The following ZNF385D variants were observed in gnomAD, a reference collection of about 807,000 sequenced individuals.
ZNF385D encodes zinc finger protein 385D.
A neutral mutation model predicts 35.8 loss-of-function variants in ZNF385D; 15 were observed. The ratio of observed to expected loss-of-function variants is 0.42; its 90% CI spans 0.28 to 0.64. ZNF385D has a LOEUF of 0.64. Ranked by LOEUF, ZNF385D falls within the 30% of genes least tolerant of loss-of-function variation. The pLI is 0.23. For missense variants in ZNF385D, 474 were observed against 494.6 expected (o/e 0.96, Z 0.39); for synonymous variants, 212 against 186.8 (o/e 1.13, Z -1.10).
intron 4 of ZNF385D, among the ~76,000 whole-genome samples, chr3:21,437,751 A>G (rs1701643782): frequency 6.9e-6 from 1 of 145,056 alleles, no homozygotes; most frequent in Non-Finnish European, 1.5e-5. Flanking sequence ...TGCTTTGACC[A>G]GATCAACAGT....
intron 4 of ZNF385D, among the ~76,000 whole-genome samples, chr3:21,467,902 C>T (rs780862920): frequency 3.3e-5 from 5 of 152,032 alleles, no homozygotes; most frequent in African/African-American, 4.8e-5. Context: ...ATGTAACACA[C>T]ACTAGGGAGG....
At chr3:22,158,792 C>A (rs965696483) in intron 3 of ZNF385D, among the ~76,000 whole-genome samples, 1 of 126,372 alleles carries the variant, frequency 7.9e-6, no homozygotes, top group Non-Finnish European at 1.8e-5. Context: ...AAACTAGAAG[C>A]CAGTTTCAAA....
chr3:21,668,586 C>T (rs189790145), intron 1 of ZNF385D, among the ~76,000 whole-genome samples: 1 of 152,262 alleles, frequency 6.6e-6, no homozygotes, highest in African/African-American at 2.4e-5. Context: ...AGATGCTTGC[C>T]TCCAAACCTA....
At position 21,880,888 on chromosome 3, in the gene ZNF385D, T is replaced by C. The variant is rs188557649; in HGVS notation, c.326-215860A>G. On this transcript the variant is annotated intron_variant, in intron 3 of 5. Coordinates refer to the ZNF385D transcript ENST00000494108. ...GCTGATACGAAGAAAGTTTTGGTGG[T>C]CTGGATAGAAGATTAAACAAGCCAC... Among the ~76,000 whole-genome samples, 425 of 151,816 alleles carry C rather than the reference T, an allele frequency of 2.8e-3. 3 individuals are homozygous for C. Among genetic ancestry groups the C allele is most frequent in the African/African-American group, 9.7e-3 (404 of 41,498 alleles).
intron 3 of ZNF385D, among the ~76,000 whole-genome samples, chr3:21,930,573 T>C (rs1319219964): frequency 2.0e-5 from 3 of 152,058 alleles, no homozygotes; most frequent in African/African-American, 2.4e-5. Flanking sequence ...TATTTATCAA[T>C]TGTCAAAATT....
At chr3:22,122,077 G>A (rs571056869) in intron 3 of ZNF385D, among the ~76,000 whole-genome samples, 7 of 152,128 alleles carry the variant, frequency 4.6e-5, no homozygotes, top group South Asian at 2.1e-4. Flanking sequence ...CACAAATATC[G>A]TCTCAGCCCA....
At chr3:21,813,288 C>T (rs1015880524) in intron 3 of ZNF385D, among the ~76,000 whole-genome samples, 1 of 152,192 alleles carries the variant, frequency 6.6e-6, no homozygotes, top group Non-Finnish European at 1.5e-5. Context: ...CAGAGCACCT[C>T]TTCTCCTCTA....
chr3:21,891,149 G>T (rs2244454), intron 3 of ZNF385D, among the ~76,000 whole-genome samples: 2 of 151,916 alleles, frequency 1.3e-5, no homozygotes, highest in Non-Finnish European at 2.9e-5. Context: ...AAAGGATAGA[G>T]GGAAAGTGTT....
At chr3:22,096,804 A>C (rs762856009) in intron 3 of ZNF385D, among the ~76,000 whole-genome samples, 53 of 152,120 alleles carry the variant, frequency 3.5e-4, no homozygotes, top group Non-Finnish European at 6.8e-4. Flanking sequence ...AGTTTTAAAA[A>C]TATGGCCTCA....
At chr3:21,613,578 CA>C (rs2064753289) in intron 2 of ZNF385D, among the ~76,000 whole-genome samples, 1 of 152,110 alleles carries the variant, frequency 6.6e-6, no homozygotes, top group Non-Finnish European at 1.5e-5. Flanking sequence ...GACATTTGGT[CA>C]AGATGACCCT....
rs1703810339 is a variant in ZNF385D, at chr3:22,131,782, G to A, written c.325+37035C>T. On this transcript the variant is annotated intron_variant, in intron 3 of 5. Coordinates refer to the ZNF385D transcript ENST00000494108. ...ACTTTTATAGTCAGAGTTATCTCCTGAGAATACAGATGAGAGAAAGCTATT... is the reference window on the plus strand; with the variant it reads ...ACTTTTATAGTCAGAGTTATCTCCTAAGAATACAGATGAGAGAAAGCTATT... 9.2e-5 allele frequency among the ~76,000 whole-genome samples: 14 copies of A among 152,280 alleles called. No homozygotes were observed. In the South Asian group the frequency reaches 2.9e-3, roughly 32 times the overall value.
At chr3:22,202,245 CTTTA>C (rs1190082573) in intron 2 of ZNF385D, among the ~76,000 whole-genome samples, 1 of 152,156 alleles carries the variant, frequency 6.6e-6, no homozygotes, top group African/African-American at 2.4e-5. Context: ...TATCAATAAG[CTTTA>C]TTTGTTTCTG....
chr3:21,745,632 T>G (rs1338300802), intron 1 of ZNF385D, among the ~76,000 whole-genome samples: 6 of 152,238 alleles, frequency 3.9e-5, no homozygotes, highest in African/African-American at 1.4e-4. Flanking sequence ...GCAAAACTAA[T>G]CTTTTTGGGA....
At chr3:21,589,849 C>G (rs550708495) in intron 2 of ZNF385D, among the ~76,000 whole-genome samples, 1 of 151,954 alleles carries the variant, frequency 6.6e-6, no homozygotes, top group South Asian at 2.1e-4. Flanking sequence ...CAGTAGCAAC[C>G]ACTGATGAAG....
intron 2 of ZNF385D, among the ~76,000 whole-genome samples, chr3:22,242,102 C>G (rs1315038313): frequency 6.6e-6 from 1 of 150,620 alleles, no homozygotes; most frequent in Admixed American, 6.6e-5. Context: ...GGAGGGATAG[C>G]ACTGGGAGAT....
At chr3:22,008,713 A>G (rs188327668) in intron 3 of ZNF385D, among the ~76,000 whole-genome samples, 2 of 152,250 alleles carry the variant, frequency 1.3e-5, no homozygotes, top group East Asian at 1.9e-4. Context: ...ACAAAACACA[A>G]CTGAAAACTG....
In ZNF385D at chr3:21,795,776, T is replaced by C. The variant is rs1468660700; in HGVS notation, c.326-130748A>G. ...AAATAAAAAGCTTTTCTCCCACTAA[T>C]GCCACTTCAGATTATAGGCACTCAG... On this transcript the variant is annotated intron_variant, in intron 3 of 5. Coordinates refer to the ZNF385D transcript ENST00000494108. Among the ~76,000 whole-genome samples, 18 of 152,230 alleles carry C rather than the reference T, an allele frequency of 1.2e-4. 1 individual carries two copies. Among genetic ancestry groups the C allele is most frequent in the African/African-American group, 4.8e-5 (2 of 41,462 alleles).
chr3:21,456,700 T>G (rs1465186319), intron 4 of ZNF385D, among the ~76,000 whole-genome samples: 1 of 152,004 alleles, frequency 6.6e-6, no homozygotes, highest in Non-Finnish European at 1.5e-5. Flanking sequence ...CAAACCTGCA[T>G]GTTGTGCACA....
chr3:21,662,216 G>A (rs906624436), intron 2 of ZNF385D, among the ~76,000 whole-genome samples: 1 of 152,142 alleles, frequency 6.6e-6, no homozygotes, highest in African/African-American at 2.4e-5. Flanking sequence ...AAGTTTGTGT[G>A]TCTAAGCGTG....
Sources: allele counts gnomAD v4.1 joint callset (sites outside exome capture counted in the v4.1 genomes callset), GRCh38; gene constraint gnomAD v4.1.1; transcripts MANE v1.5; gene names NCBI Gene and HGNC (gene_info 2026-07-23, HGNC 2026-07-21).